Variants in CCDC30 observed in about 807,000 individuals in gnomAD.
CCDC30 encodes the protein coiled-coil domain containing 30, also known as coiled-coil domain-containing protein 30.
Under a neutral mutation model 100.2 loss-of-function variants are expected in CCDC30, and 70 were observed. The observed-to-expected ratio is 0.70, with a 90% CI of 0.58 to 0.85. CCDC30 has a LOEUF of 0.85. Ranked by LOEUF, CCDC30 falls within the 40% of genes least tolerant of loss-of-function variation. The pLI, the probability that CCDC30 is intolerant of heterozygous loss-of-function variation, is 0.00. For missense variants in CCDC30, 652 were observed against 771.2 expected (o/e 0.85, Z 1.83); for synonymous variants, 233 against 269.5 (o/e 0.86, Z 1.33).
At chr1:42,655,268 G>A (rs192826992), downstream of CCDC30, among the ~76,000 whole-genome samples, 153 of 152,262 alleles carry the variant, frequency 1.0e-3, 2 homozygotes, top group African/African-American at 3.5e-3. Context: ...GAGGTTGGGC[G>A]TGGTGGCTTA....
chr1:42,506,863 T>C (rs2148486365), intron 6 of CCDC30, among the ~76,000 whole-genome samples: 1 of 152,344 alleles, frequency 6.6e-6, no homozygotes, highest in East Asian at 1.9e-4. Flanking sequence ...AAATCTTTCA[T>C]TAACCTTTAC....
intron 6 of CCDC30, among the ~76,000 whole-genome samples, chr1:42,565,398 AAAG>A (rs1264402690): frequency 6.6e-6 from 1 of 152,230 alleles, no homozygotes; most frequent in Non-Finnish European, 1.5e-5. Flanking sequence ...GACATTCTCA[AAAG>A]AAGATGTGCA....
Position 42,596,754 on chromosome 1 carries a change from C to CA in CCDC30, c.1164+7274dup, listed in dbSNP as rs1553120304. 9.9e-4 allele frequency among the ~76,000 whole-genome samples: 86 copies of CA among 86,474 alleles called. No homozygotes were observed. Among genetic ancestry groups the CA allele is most frequent in the African/African-American group, 3.3e-3 (80 of 24,400 alleles). 56.7% of individuals were successfully genotyped at this position (86,474 alleles called of 152,430 possible). ...AAAGGCAAAAAAACAAACAAACAAA[C>CA]AAACAAAAACAGTTTGAACAGACAG... On this transcript the variant is annotated intron_variant, in intron 10 of 16. Transcript: ENST00000668663. This position sits in a 1 kb window ranked among gnomAD's most constrained non-coding sequence, Gnocchi z 4.3.
At chr1:42,570,715 A>G (rs1408697626) in intron 7 of CCDC30, among the ~76,000 whole-genome samples, 1 of 144,504 alleles carries the variant, frequency 6.9e-6, no homozygotes, top group Non-Finnish European at 1.5e-5. Context: ...TCAAAAATAT[A>G]ATCAGTATTT....
chr1:42,482,079 G>A (rs532996249), intron 2 of CCDC30, among the ~76,000 whole-genome samples: 85 of 152,054 alleles, frequency 5.6e-4, no homozygotes, highest in African/African-American at 1.9e-3. Context: ...TGAGCCAGTC[G>A]TGGTGGTGCG....
chr1:42,512,577 T>A (rs1644495008), intron 6 of CCDC30, among the ~76,000 whole-genome samples: 1 of 152,106 alleles, frequency 6.6e-6, no homozygotes, highest in African/African-American at 2.4e-5. Flanking sequence ...TTCCCGCATA[T>A]TGCACATAGA....
chr1:42,523,571 T>C (rs775879678), intron 6 of CCDC30, among the ~76,000 whole-genome samples: 8 of 152,200 alleles, frequency 5.3e-5, no homozygotes, highest in African/African-American at 9.7e-5. Context: ...GGTGTGGTCG[T>C]CTCTGAGCCC....
At chr1:42,621,724 G>T (rs548346250) in intron 11 of CCDC30, among the ~76,000 whole-genome samples, 2 of 151,964 alleles carry the variant, frequency 1.3e-5, no homozygotes, top group Non-Finnish European at 2.9e-5. Flanking sequence ...TGTTAGCCAG[G>T]ATGGTCGCGA....
At chr1:42,492,068 G>T in intron 4 of CCDC30, 2 of 383,502 alleles carry the variant, frequency 5.2e-6, no homozygotes, top group East Asian at 4.6e-5. Flanking sequence ...TGTGTTCCGT[G>T]GTCAAAAAAT....
At chr1:42,491,002 T>C (rs1257598377) in intron 4 of CCDC30, among the ~76,000 whole-genome samples, 2 of 152,210 alleles carry the variant, frequency 1.3e-5, no homozygotes, top group African/African-American at 2.4e-5. Flanking sequence ...CTACCAGTTA[T>C]CAATAATATA....
chr1:42,615,042 C>T (rs1019798046), intron 11 of CCDC30, among the ~76,000 whole-genome samples: 3 of 152,260 alleles, frequency 2.0e-5, no homozygotes, highest in South Asian at 4.1e-4. Flanking sequence ...GAGGTTTAAT[C>T]GTAGAGTCAT....
At chr1:42,646,398 T>G in intron 15 of CCDC30, 81 bp downstream of exon 19, 1 of 1,319,532 alleles carries the variant, frequency 7.6e-7, no homozygotes, top group East Asian at 2.9e-5. Flanking sequence ...ATCTCTCAAC[T>G]TATGGTTTCT....
intron 11 of CCDC30, among the ~76,000 whole-genome samples, chr1:42,621,695 T>C (rs1048138344): frequency 2.6e-5 from 4 of 152,032 alleles, no homozygotes; most frequent in African/African-American, 9.7e-5. Flanking sequence ...GTATTTTTAA[T>C]AGAGACAGGG....
chr1:42,480,233 C>T (rs990721415), intron 1 of CCDC30, among the ~76,000 whole-genome samples: 17 of 152,022 alleles, frequency 1.1e-4, no homozygotes, highest in Admixed American at 3.9e-4. Flanking sequence ...AAAGATCTTG[C>T]ACATTTTTGT....
chr1:42,472,785 C>G (rs1643813317), intron 1 of CCDC30, among the ~76,000 whole-genome samples: 1 of 152,038 alleles, frequency 6.6e-6, no homozygotes, highest in Admixed American at 6.5e-5. Flanking sequence ...TAGATAACAA[C>G]AGGAAAAGTA....
At chr1:42,653,557 T>C in intron 16 of CCDC30, 114 bp downstream of exon 20, 1 of 715,818 alleles carries the variant, frequency 1.4e-6, no homozygotes, top group Non-Finnish European at 2.4e-6. Flanking sequence ...AAGGCATAGC[T>C]TTCTGGGGTC....
intron 6 of CCDC30, among the ~76,000 whole-genome samples, chr1:42,560,994 C>T (rs1366625862): frequency 2.0e-5 from 3 of 152,122 alleles, no homozygotes; most frequent in Admixed American, 2.0e-4. Flanking sequence ...AGCCCAGGAC[C>T]AGACAGATTC....
intron 6 of CCDC30, among the ~76,000 whole-genome samples, chr1:42,541,408 G>T (rs1448513366): frequency 3.9e-5 from 6 of 152,196 alleles, no homozygotes; most frequent in Non-Finnish European, 2.9e-5. Flanking sequence ...ACACAAACAT[G>T]CAGTGCATAA....
At chr1:42,617,242 C>T (rs1470040378) in intron 11 of CCDC30, among the ~76,000 whole-genome samples, 4 of 152,098 alleles carry the variant, frequency 2.6e-5, no homozygotes, top group African/African-American at 9.7e-5. Flanking sequence ...AGTTCAAAAC[C>T]AGCCTAGGGA....
Sources: gnomAD v4.1 joint callset for allele counts (sites outside exome capture counted in the v4.1 genomes callset) on GRCh38, gnomAD v4.1.1 for gene constraint, Gnocchi (gnomAD v3.1) non-coding constraint, MANE v1.5 for transcripts, NCBI Gene and HGNC (gene_info 2026-07-23, HGNC 2026-07-21) for gene names.